Variants in GK5 observed in about 807,000 individuals in gnomAD.
GK5 encodes the protein glycerol kinase 5.
A neutral mutation model predicts 77.3 loss-of-function variants in GK5; 39 were observed. That is an observed-to-expected ratio of 0.50 (90% CI 0.39 to 0.66). The LOEUF (loss-of-function observed/expected upper bound fraction) is 0.66, where lower values mean the gene tolerates loss of function less well. Ranked by LOEUF, GK5 falls within the 30% of genes least tolerant of loss-of-function variation. The pLI is 0.00. For missense variants in GK5, 487 were observed against 633.8 expected (o/e 0.77, Z 2.49); for synonymous variants, 211 against 208.0 (o/e 1.01, Z -0.13).
rs1560204229 is a variant in GK5 at position 142,159,845 on chromosome 3, C to CTTTTTTTTTTTTTTT, written c.*5776_*5777insAAAAAAAAAAAAAAA. ...TTTGGGGCTTTCTCTCTCTCTCTCT[C>CTTTTTTTTTTTTTTT]TCTCTCTCTTTTTTTTTTTTGAGAC... On this transcript the variant is annotated 3_prime_UTR_variant, in exon 16 of 16. Transcript: ENST00000392993. 4 of 104,714 alleles carry CTTTTTTTTTTTTTTT rather than the reference C, an allele frequency of 3.8e-5. No homozygotes were observed. The highest frequency in any genetic ancestry group is 1.2e-4 in the African/African-American group (3 of 24,020). The allele number at this position is 104,714 out of a possible 1,614,324, so 6.5% of individuals were successfully genotyped here.
At chr3:142,169,175 T>C (rs2063506950) in intron 15 of GK5, among the ~76,000 whole-genome samples, 1 of 152,190 alleles carries the variant, frequency 6.6e-6, no homozygotes, top group Admixed American at 6.5e-5. Flanking sequence ...GTTCAATAAA[T>C]AAAAGAATGG....
Position 142,163,493 on chromosome 3 carries a change from C to T in GK5, c.*2129G>A, listed in dbSNP as rs962671717. On this transcript the variant is annotated 3_prime_UTR_variant, in exon 16 of 16. Coordinates refer to ENST00000392993, the MANE Select transcript of GK5 (RefSeq NM_001039547.3). ...TTTCACCGTGTTTGACCAGGTTGGA[C>T]TCCTGACCTCAAATGATCCGCCCAC... 3.3e-5 allele frequency: 5 copies of T among 152,062 alleles called. No homozygotes were observed. Among genetic ancestry groups the T allele is most frequent in the Non-Finnish European group, 7.3e-5 (5 of 68,072 alleles). The allele number at this position is 152,062 out of a possible 1,614,324, so 9.4% of individuals were successfully genotyped here. A position where few individuals can be genotyped will look rare whatever the true frequency, so the allele number is the denominator to read the frequency against.
chr3:142,208,662 T>C (rs2064145620), intron 3 of GK5, among the ~76,000 whole-genome samples: 1 of 152,230 alleles, frequency 6.6e-6, no homozygotes, highest in East Asian at 1.9e-4. Context: ...AGCACATACT[T>C]ATACACTTAA....
At chr3:142,174,947 TG>T (rs2063588459) in intron 12 of GK5, among the ~76,000 whole-genome samples, 1 of 151,944 alleles carries the variant, frequency 6.6e-6, no homozygotes, top group Non-Finnish European at 1.5e-5. Flanking sequence ...AAGCAAAAAG[TG>T]TAAGAAAAAT....
At chr3:142,193,753 T>C (rs1031691890) in intron 5 of GK5, among the ~76,000 whole-genome samples, 1 of 152,194 alleles carries the variant, frequency 6.6e-6, no homozygotes, top group Non-Finnish European at 1.5e-5. Flanking sequence ...CTTTTTTGTG[T>C]GTGGGTAGAC....
chr3:142,206,291 C>T (rs560133334), intron 3 of GK5, among the ~76,000 whole-genome samples: 5 of 152,202 alleles, frequency 3.3e-5, no homozygotes, highest in African/African-American at 1.2e-4. Context: ...AGTGGAACTG[C>T]TGGGTCATAT....
At chr3:142,223,358 T>G (rs6804364) in intron 1 of GK5, among the ~76,000 whole-genome samples, 109,048 of 152,214 alleles carry the variant, frequency 0.72, 39,707 homozygotes, top group African/African-American at 0.84. Context: ...AAAGTATCGT[T>G]TTTGTGATAA....
intron 11 of GK5, among the ~76,000 whole-genome samples, chr3:142,178,694 T>C (rs770852873): frequency 6.6e-5 from 10 of 152,224 alleles, no homozygotes; most frequent in Non-Finnish European, 1.5e-4. Flanking sequence ...TAGTTCCTAG[T>C]GTTTGGCTAA....
At chr3:142,183,271 A>C (rs1343094902) in intron 9 of GK5, 1 of 351,990 alleles carries the variant, frequency 2.8e-6, no homozygotes, top group Non-Finnish European at 5.1e-6. Context: ...ATGCCTCAGG[A>C]ATTGTTTTTA....
intron 3 of GK5, among the ~76,000 whole-genome samples, chr3:142,206,833 C>T (rs754721730): frequency 5.9e-5 from 9 of 152,106 alleles, no homozygotes; most frequent in Non-Finnish European, 1.3e-4. Context: ...ATAATTTGTG[C>T]TATTGGTTTA....
chr3:142,170,761 A>G (rs1337192933), intron 14 of GK5, among the ~76,000 whole-genome samples: 1 of 151,016 alleles, frequency 6.6e-6, no homozygotes, highest in Non-Finnish European at 1.5e-5. Context: ...TACAGAAAAG[A>G]AAGTCGAGAA....
At chr3:142,187,575 C>T (rs143594516) in intron 6 of GK5, 129 bp downstream of exon 6, 13 of 669,542 alleles carry the variant, frequency 1.9e-5, no homozygotes, top group Non-Finnish European at 2.8e-5. Context: ...ATTGCACTCC[C>T]GCCTGGTTGA....
intron 14 of GK5, among the ~76,000 whole-genome samples, chr3:142,171,189 C>G (rs2063532394): frequency 6.6e-6 from 1 of 152,062 alleles, no homozygotes; most frequent in African/African-American, 2.4e-5. Context: ...CGAGATCATG[C>G]CACTGCACTC....
In GK5 at chr3:142,159,442, A is replaced by T. The variant is rs903220037; in HGVS notation, c.*6180T>A. On this transcript the variant is annotated 3_prime_UTR_variant, in exon 16 of 16. Coordinates refer to ENST00000392993, the MANE Select transcript of GK5 (RefSeq NM_001039547.3). ...TTATAGTAAAGTGGGGAAAGACAGT[A>T]GAAATAGAATAACAGAGAATTTCAG... 2 of 152,250 alleles carry T rather than the reference A, an allele frequency of 1.3e-5. No homozygotes were observed. Among genetic ancestry groups the T allele is most frequent in the African/African-American group, 4.8e-5 (2 of 41,466 alleles). 9.4% of individuals were successfully genotyped at this position (152,250 alleles called of 1,614,324 possible).
At chr3:142,174,371 G>A (rs1577108825) in intron 12 of GK5, among the ~76,000 whole-genome samples, 3 of 152,126 alleles carry the variant, frequency 2.0e-5, no homozygotes, top group South Asian at 2.1e-4. Context: ...TAGTAAAAAC[G>A]TATATAGTAA....
At chr3:142,196,574 C>T (rs1376388378) in intron 5 of GK5, among the ~76,000 whole-genome samples, 1 of 151,754 alleles carries the variant, frequency 6.6e-6, no homozygotes, top group African/African-American at 2.4e-5. Flanking sequence ...CTCCTTGGAC[C>T]CTTTGGTTAT....
chr3:142,214,153 C>CT (rs2064238530), intron 2 of GK5, among the ~76,000 whole-genome samples: 1 of 152,130 alleles, frequency 6.6e-6, no homozygotes, highest in African/African-American at 2.4e-5. Flanking sequence ...AACAAAGTAG[C>CT]TTTTTTTGTT....
At position 142,165,440 on chromosome 3, in the gene GK5, A is replaced by G. The variant is rs2063462688; in HGVS notation, c.*182T>C. ...AGGTATTGCTGCCTTACCATGGTTT[A>G]GGGGAAAAAAATAAGAGTTTTTTGT... On this transcript the variant is annotated 3_prime_UTR_variant, in exon 16 of 16. Coordinates refer to ENST00000392993, the MANE Select transcript of GK5 (RefSeq NM_001039547.3). 6.5e-6 allele frequency: 3 copies of G among 459,800 alleles called. No homozygotes were observed. Among genetic ancestry groups the G allele is most frequent in the South Asian group, 1.0e-4 (2 of 19,180 alleles). The allele number at this position is 459,800 out of a possible 1,614,324, so 28.5% of individuals were successfully genotyped here.
At chr3:142,221,807 A>AT (rs1282182438) in intron 1 of GK5, among the ~76,000 whole-genome samples, 1 of 152,186 alleles carries the variant, frequency 6.6e-6, no homozygotes, top group Non-Finnish European at 1.5e-5. Flanking sequence ...CCTAAGAAAG[A>AT]TTTTTTAAAA....
Sources: allele counts gnomAD v4.1 joint callset (sites outside exome capture counted in the v4.1 genomes callset), GRCh38; gene constraint gnomAD v4.1.1; transcripts MANE v1.5; gene names NCBI Gene and HGNC (gene_info 2026-07-23, HGNC 2026-07-21).